Variants in RBFOX1 observed in about 807,000 individuals in gnomAD.
RBFOX1 encodes the protein RNA binding protein fox-1 homolog 1.
In RBFOX1, 8 loss-of-function variants were observed where a neutral mutation model predicts 57.7. The observed-to-expected ratio is 0.14, with a 90% confidence interval of 0.08 to 0.25. The LOEUF (loss-of-function observed/expected upper bound fraction) is 0.25. Among genes scored for constraint, RBFOX1 ranks in the 10% least tolerant of loss-of-function variants. The probability of loss-of-function intolerance (pLI) is 1.00; values close to 1 mark genes in which losing one functional copy is unlikely to be tolerated. For synonymous variants in RBFOX1, 326 were observed against 222.4 expected (o/e 1.47, Z -4.15); for missense variants, 611 against 548.5 (o/e 1.11, Z -1.14).
At chr16:7,203,497 C>T (rs563253728) in intron 4 of RBFOX1, among the ~76,000 whole-genome samples, 2 of 152,152 alleles carry the variant, frequency 1.3e-5, no homozygotes, top group Non-Finnish European at 2.9e-5. Context: ...ATACTTAATG[C>T]TACTGAATTG....
intron 1 of RBFOX1, among the ~76,000 whole-genome samples, chr16:5,279,295 G>C (rs1304343052): frequency 6.6e-6 from 1 of 151,494 alleles, no homozygotes; most frequent in African/African-American, 2.4e-5. Flanking sequence ...GAGGTTTTTT[G>C]TTTTTGTTTT....
intron 4 of RBFOX1, among the ~76,000 whole-genome samples, chr16:7,235,721 G>A (rs1205179070): frequency 6.6e-6 from 1 of 152,100 alleles, no homozygotes; most frequent in Non-Finnish European, 1.5e-5. Context: ...CTTTTTTCCT[G>A]CCTTGCAATT....
intron 1 of RBFOX1, among the ~76,000 whole-genome samples, chr16:5,263,949 G>A (rs185069705): frequency 2.3e-4 from 35 of 152,308 alleles, no homozygotes; most frequent in African/African-American, 7.9e-4. Context: ...ATTCTTTCCA[G>A]TATCATTCAG....
At position 5,458,748 on chromosome 16, in the gene RBFOX1, T is replaced by A. The variant is rs142955953; in HGVS notation, c.220-8468T>A. ...TAACAACAGGAGAATATAACAAAAC[T>A]TAAACCTATTCATCTCTGCCTTCAT... is the stretch of plus-strand genomic sequence containing the variant. On this transcript the variant is annotated intron_variant, in intron 1 of 2. Transcript: ENST00000585867. Among the ~76,000 whole-genome samples, 347 of 152,362 alleles carry A rather than the reference T, an allele frequency of 2.3e-3. 4 individuals carry two copies. Among genetic ancestry groups the A allele is most frequent in the African/African-American group, 7.7e-3 (322 of 41,582 alleles).
chr16:5,426,213 G>T (rs542200985), intron 1 of RBFOX1, among the ~76,000 whole-genome samples: 1 of 152,262 alleles, frequency 6.6e-6, no homozygotes, highest in African/African-American at 2.4e-5. Context: ...TTGGACTTGT[G>T]TGGAGTGGTC....
intron 1 of RBFOX1, among the ~76,000 whole-genome samples, chr16:5,411,344 G>T (rs2067016484): frequency 6.6e-6 from 1 of 152,208 alleles, no homozygotes. Flanking sequence ...CAGAGTCAGA[G>T]TCTGAATGGA....
At chr16:6,123,892 C>T (rs2096569628) in intron 1 of RBFOX1, among the ~76,000 whole-genome samples, 1 of 151,944 alleles carries the variant, frequency 6.6e-6, no homozygotes, top group African/African-American at 2.4e-5. Context: ...GCGAGACTCC[C>T]TCAAAAAAAG....
chr16:7,095,805 G>T (rs577192118), intron 4 of RBFOX1, among the ~76,000 whole-genome samples: 1 of 152,116 alleles, frequency 6.6e-6, no homozygotes, highest in Non-Finnish European at 1.5e-5. Flanking sequence ...GAGGTCAGGA[G>T]ATCGAGACCA....
intron 1 of RBFOX1, among the ~76,000 whole-genome samples, chr16:5,433,639 T>C (rs1181973246): frequency 1.3e-5 from 2 of 152,246 alleles, no homozygotes; most frequent in Non-Finnish European, 2.9e-5. Context: ...ATGCATTTAT[T>C]GCACCCTTTC....
intron 4 of RBFOX1, among the ~76,000 whole-genome samples, chr16:7,067,492 C>G (rs1244371808): frequency 1.3e-5 from 2 of 151,160 alleles, no homozygotes; most frequent in Non-Finnish European, 2.9e-5. Context: ...GTCCAATTCC[C>G]TGTAGTTGTA....
intron 4 of RBFOX1, among the ~76,000 whole-genome samples, chr16:7,457,855 C>A (rs983481206): frequency 3.3e-5 from 5 of 152,142 alleles, no homozygotes; most frequent in Non-Finnish European, 7.3e-5. Context: ...ATCCACTTGG[C>A]CACAGCAGCT....
At chr16:7,414,447 G>A (rs1015088272) in intron 4 of RBFOX1, among the ~76,000 whole-genome samples, 3 of 152,200 alleles carry the variant, frequency 2.0e-5, no homozygotes, top group Non-Finnish European at 4.4e-5. Flanking sequence ...CAATTAAAAT[G>A]TGATTCTTTC....
At position 6,082,497 on chromosome 16, in the gene RBFOX1, A is replaced by G. The variant is rs969365471; in HGVS notation, c.-127+62505A>G. Among the ~76,000 whole-genome samples the G allele has an allele frequency of 1.3e-4, 19 of 150,838 alleles. 1 individual carries two copies. The highest frequency in any genetic ancestry group is 8.6e-4 in the Admixed American group (13 of 15,122). ...AGTGCATTTTAGGCACTATGCTTTT[A>G]TTAGCTTTTTAATCCTCAGTAGGAC... On this transcript the variant is annotated intron_variant, in intron 1 of 15. Coordinates refer to ENST00000550418, the MANE Select transcript of RBFOX1 (RefSeq NM_018723.4).
At chr16:6,199,517 TG>T (rs1460987505) in intron 1 of RBFOX1, among the ~76,000 whole-genome samples, 1 of 152,206 alleles carries the variant, frequency 6.6e-6, no homozygotes, top group Non-Finnish European at 1.5e-5. Flanking sequence ...TAATCCTGAG[TG>T]ACTAAAATGG....
At chr16:6,244,316 T>C (rs1210272077) in intron 1 of RBFOX1, among the ~76,000 whole-genome samples, 1 of 152,088 alleles carries the variant, frequency 6.6e-6, no homozygotes, top group Non-Finnish European at 1.5e-5. Context: ...CCTTTGGACA[T>C]CTGCTCAACC....
At chr16:6,860,957 T>G (rs899637739) in intron 3 of RBFOX1, among the ~76,000 whole-genome samples, 1 of 152,176 alleles carries the variant, frequency 6.6e-6, no homozygotes, top group Non-Finnish European at 1.5e-5. Flanking sequence ...GGTCTATGCA[T>G]ATATGGTAAA....
chr16:5,243,708 G>C (rs747849735), intron 1 of RBFOX1, among the ~76,000 whole-genome samples: 2 of 152,306 alleles, frequency 1.3e-5, no homozygotes, highest in East Asian at 1.9e-4. Context: ...GAGGGTGACA[G>C]TGTTGAGCTT....
intron 3 of RBFOX1, among the ~76,000 whole-genome samples, chr16:6,717,568 C>T (rs1455465996): frequency 6.6e-6 from 1 of 151,472 alleles, no homozygotes; most frequent in Non-Finnish European, 1.5e-5. Context: ...GCCTGTGAGC[C>T]TGAGATGCTG....
chr16:6,522,950 T>C (rs1361740613), intron 2 of RBFOX1, among the ~76,000 whole-genome samples: 1 of 152,154 alleles, frequency 6.6e-6, no homozygotes, highest in Non-Finnish European at 1.5e-5. Flanking sequence ...CTTTGGGATG[T>C]TGTCCAGGTT....
Sources: gnomAD v4.1 joint callset for allele counts (sites outside exome capture counted in the v4.1 genomes callset) on GRCh38, gnomAD v4.1.1 for gene constraint, MANE v1.5 for transcripts, NCBI Gene and HGNC (gene_info 2026-07-23, HGNC 2026-07-21) for gene names.